PANK3: variants seen among roughly 807,000 people sequenced by gnomAD.
The protein encoded by PANK3 is hPanK3.
Under a neutral mutation model 39.4 loss-of-function variants are expected in PANK3, and 20 were observed. The ratio of observed to expected loss-of-function variants is 0.51; its 90% CI spans 0.36 to 0.74. PANK3 has a LOEUF of 0.74. Among genes scored for constraint, PANK3 ranks in the 30% least tolerant of loss-of-function variants. The pLI, the probability that PANK3 is intolerant of heterozygous loss-of-function variation, is 0.00. For synonymous variants in PANK3, 140 were observed against 157.3 expected, an observed-to-expected ratio of 0.89 and a Z score of 0.82; for missense variants, 265 against 437.0, an observed-to-expected ratio of 0.61 and a Z score of 3.51.
At chr5:168,573,127 G>A (rs1254187562) in intron 1 of PANK3, among the ~76,000 whole-genome samples, 1 of 152,062 alleles carries the variant, frequency 6.6e-6, no homozygotes, top group Admixed American at 6.6e-5. Context: ...TCCTGCAGAT[G>A]ATGACTTCAT....
At chr5:168,559,689 G>A (rs1759412980) in intron 5 of PANK3, among the ~76,000 whole-genome samples, 4 of 151,868 alleles carry the variant, frequency 2.6e-5, no homozygotes, top group African/African-American at 7.3e-5. Context: ...ACACATTACT[G>A]ATGTGATTAA....
chr5:168,579,207 G>C (rs755059844), intron 1 of PANK3, 49 bp downstream of exon 1: 12 of 1,460,458 alleles, frequency 8.2e-6, no homozygotes, highest in South Asian at 1.4e-5. Flanking sequence ...CTTTCAGACG[G>C]GGCCCAAGGG....
intron 2 of PANK3, among the ~76,000 whole-genome samples, chr5:168,566,989 C>T (rs1187917106): frequency 6.6e-6 from 1 of 152,202 alleles, no homozygotes; most frequent in Non-Finnish European, 1.5e-5. Context: ...AGTGATCCGC[C>T]CACCTTGGCT....
chr5:168,562,705 A>C (rs1373887142), intron 4 of PANK3, among the ~76,000 whole-genome samples: 1 of 152,234 alleles, frequency 6.6e-6, no homozygotes, highest in Non-Finnish European at 1.5e-5. Flanking sequence ...AGCCTTAAAC[A>C]AACAGACAAG....
chr5:168,563,949 C>A lies in PANK3; in HGVS notation c.752G>T (p.Arg251Leu). ...GDSTQADKLV[R>L]DIYGGDYERF... is the part of the protein sequence containing the mutation. ...TTCATAATCTCCTCCATAAATATCA[C>A]GGACCAGCTTGTCAGCTTGTGTGCT... is the stretch of plus-strand genomic sequence containing the variant. The change falls in exon 4 of 7, where the codon CGT (arginine) becomes CTT (leucine). Residue 251 changes from arginine (R) to leucine (L), a missense_variant. Arg to Leu is a moderately radical substitution (Grantham distance 102). Transcript: ENST00000239231. 6.2e-7 allele frequency: 1 copy of A among 1,612,678 alleles called. No homozygotes were observed. The highest frequency in any genetic ancestry group is 8.5e-7 in the Non-Finnish European group (1 of 1,179,354).
intron 2 of PANK3, among the ~76,000 whole-genome samples, chr5:168,568,097 T>C (rs1411769418): frequency 6.6e-6 from 1 of 152,076 alleles, no homozygotes; most frequent in Non-Finnish European, 1.5e-5. Flanking sequence ...CCAATACTCA[T>C]AGTTCTCCTG....
intron 5 of PANK3, among the ~76,000 whole-genome samples, chr5:168,561,157 GA>G (rs766796583): frequency 2.6e-5 from 4 of 151,794 alleles, no homozygotes; most frequent in African/African-American, 7.3e-5. Flanking sequence ...GTGTTTTTCT[GA>G]AAAAAAATTC....
chr5:168,561,548 G>A (rs768054713), intron 4 of PANK3, 32 bp from the exon 5 acceptor site: 2 of 1,526,296 alleles, frequency 1.3e-6, no homozygotes, highest in East Asian at 4.7e-5. Flanking sequence ...AGTCAAATCT[G>A]CTGATAAAAA....
intron 4 of PANK3, among the ~76,000 whole-genome samples, chr5:168,562,999 C>T (rs1055064429): frequency 1.3e-5 from 2 of 151,610 alleles, no homozygotes; most frequent in African/African-American, 2.4e-5. Flanking sequence ...GATTATTAGA[C>T]ATTAGGGCCT....
chr5:168,568,871 C>A lies in PANK3; in HGVS notation c.156G>T (p.Leu52Phe). 6.2e-7 allele frequency: 1 copy of A among 1,613,648 alleles called. No individual in the cohort carries two copies. The highest frequency in any genetic ancestry group is 1.1e-5 in the South Asian group (1 of 91,048). Residue 52 changes from leucine (L) to phenylalanine (F), a missense_variant, in exon 2 of 7, where the codon TTG becomes TTT. Transcript: ENST00000239231. ...TGGATCCATATGCCACGTTAGAAGTCAAATATTTCCGAATACTTTTTAAAC... is the reference window on the plus strand; with the variant it reads ...TGGATCCATATGCCACGTTAGAAGTAAAATATTTCCGAATACTTTTTAAAC... The part of the protein sequence containing the change: ...VESLKSIRKY[L>F]TSNVAYGSTG...
chr5:168,559,594 C>G (rs1759411337), intron 5 of PANK3, among the ~76,000 whole-genome samples: 3 of 151,900 alleles, frequency 2.0e-5, no homozygotes, highest in South Asian at 4.2e-4. Context: ...AAAAAAGGTT[C>G]CAGAAAGACT....
rs1469733657 is a variant in PANK3, at chr5:168,555,065, TA to T, written c.*2505del. 1 of 152,260 alleles carries T rather than the reference TA, an allele frequency of 6.6e-6. No individual in the cohort carries two copies. Among genetic ancestry groups the T allele is most frequent in the Non-Finnish European group, 1.5e-5 (1 of 68,050 alleles). The allele number at this position is 152,260 out of a possible 1,614,324, so 9.4% of individuals were successfully genotyped here. A position where few individuals can be genotyped will look rare whatever the true frequency, so the allele number is the denominator to read the frequency against. On this transcript the variant is annotated 3_prime_UTR_variant, in exon 7 of 7. Transcript: ENST00000239231. Reference sequence around the variant, plus strand: ...TCATAATGAAGGCTGCCAAAGATTATAATTTTTTATTAAGATCTCGAGTAAC... The same window carrying T: ...TCATAATGAAGGCTGCCAAAGATTATATTTTTTATTAAGATCTCGAGTAAC...
In PANK3 at chr5:168,554,406, T is replaced by C. The variant is rs1326035492; in HGVS notation, c.*3165A>G. 1 of 152,208 alleles carries C rather than the reference T, an allele frequency of 6.6e-6. No homozygotes were observed. Among genetic ancestry groups the C allele is most frequent in the Non-Finnish European group, 1.5e-5 (1 of 68,028 alleles). The allele number at this position is 152,208 out of a possible 1,614,324, so 9.4% of individuals were successfully genotyped here. Reference sequence around the variant, plus strand: ...TTTCAGTAGACTATCAAGAGATGCATGATAAAGACATTTCCCCATGTAGTT... The same window carrying C: ...TTTCAGTAGACTATCAAGAGATGCACGATAAAGACATTTCCCCATGTAGTT... On this transcript the variant is annotated 3_prime_UTR_variant, in exon 7 of 7. Coordinates refer to ENST00000239231, the MANE Select transcript of PANK3 (RefSeq NM_024594.4).
chr5:168,561,323 C>T (rs1193359606), intron 5 of PANK3, 70 bp downstream of exon 5: 2 of 1,377,760 alleles, frequency 1.5e-6, no homozygotes, highest in East Asian at 2.4e-5. Context: ...TGAAGAAGCC[C>T]TGCTAGGTGT....
chr5:168,579,088 G>A (rs1388809397), intron 1 of PANK3, among the ~76,000 whole-genome samples, 168 bp downstream of exon 1: 1 of 152,178 alleles, frequency 6.6e-6, no homozygotes, highest in Non-Finnish European at 1.5e-5. Context: ...AGGGGGATGG[G>A]GAGGACGGAA....
Position 168,552,658 on chromosome 5 carries a change from C to T in PANK3, c.*4913G>A, listed in dbSNP as rs2113096673. The T allele has an allele frequency of 4.6e-6, 1 of 219,402 alleles. No homozygotes were observed. The highest frequency in any genetic ancestry group is 1.1e-4 in the East Asian group (1 of 8,940). The allele number at this position is 219,402 out of a possible 1,614,324, so 13.6% of individuals were successfully genotyped here. A position where few individuals can be genotyped will look rare whatever the true frequency, so the allele number is the denominator to read the frequency against. Reference sequence around the variant, plus strand: ...GCCCCACTACAGACAAAGCTCATCCCACCATACTCATCCTTTAATAACAAA... The same window carrying T: ...GCCCCACTACAGACAAAGCTCATCCTACCATACTCATCCTTTAATAACAAA... On this transcript the variant is annotated 3_prime_UTR_variant, in exon 7 of 7. Transcript: ENST00000239231.
At chr5:168,568,551 A>G (rs893135385) in intron 2 of PANK3, 95 bp downstream of exon 2, 12 of 942,070 alleles carry the variant, frequency 1.3e-5, no homozygotes, top group Non-Finnish European at 1.9e-5. Context: ...TTCCCACTGC[A>G]TGTGCAGGGA....
intron 2 of PANK3, among the ~76,000 whole-genome samples, chr5:168,566,910 T>A (rs935885547): frequency 2.6e-5 from 4 of 152,112 alleles, no homozygotes; most frequent in African/African-American, 9.7e-5. Flanking sequence ...GCCTGGCTAA[T>A]TTTTGTATTT....
Position 168,551,755 on chromosome 5 carries a change from T to C in PANK3, c.*5816A>G, listed in dbSNP as rs915711407. 15 of 152,160 alleles carry C rather than the reference T, an allele frequency of 9.9e-5. No homozygotes were observed. Among genetic ancestry groups the C allele is most frequent in the African/African-American group, 3.4e-4 (14 of 41,444 alleles). 9.4% of individuals were successfully genotyped at this position (152,160 alleles called of 1,614,324 possible). A position where few individuals can be genotyped will look rare whatever the true frequency, so the allele number is the denominator to read the frequency against. ...GTATTTACATTATAGCAATCACATG[T>C]ACACTCAAAGGTAAAAGAAAAAAAA... On this transcript the variant is annotated 3_prime_UTR_variant, in exon 7 of 7. Coordinates refer to ENST00000239231, the MANE Select transcript of PANK3 (RefSeq NM_024594.4).
Sources: gnomAD v4.1 joint callset for allele counts (sites outside exome capture counted in the v4.1 genomes callset) on GRCh38, gnomAD v4.1.1 for gene constraint, MANE v1.5 for transcripts, NCBI Gene and HGNC (gene_info 2026-07-23, HGNC 2026-07-21) for gene names.